Variants in HCRTR2 observed in about 807,000 individuals in gnomAD.
HCRTR2 encodes orexin receptor type 2.
A neutral mutation model predicts 49.0 loss-of-function variants in HCRTR2; 22 were observed. That is an observed-to-expected ratio of 0.45 (90% confidence interval 0.32 to 0.64). The LOEUF (loss-of-function observed/expected upper bound fraction) is 0.64, where lower values mean the gene tolerates loss of function less well. Ranked by LOEUF, HCRTR2 falls within the 30% of genes least tolerant of loss-of-function variation. HCRTR2 has a pLI of 0.04. For synonymous variants in HCRTR2, 236 were observed against 205.3 expected (o/e 1.15, Z -1.28); for missense variants, 491 against 559.4 (o/e 0.88, Z 1.23).
At chr6:55,216,892 C>T (rs977321446) in intron 1 of HCRTR2, among the ~76,000 whole-genome samples, 3 of 152,148 alleles carry the variant, frequency 2.0e-5, no homozygotes, top group African/African-American at 7.2e-5. Context: ...TGCCTGGGTC[C>T]CCATGCTTTT....
chr6:55,255,460 C>T (rs1766634850), intron 3 of HCRTR2, 81 bp downstream of exon 3: 1 of 1,499,624 alleles, frequency 6.7e-7, no homozygotes, highest in Non-Finnish European at 9.3e-7. Flanking sequence ...CATTGTAAAG[C>T]TGGGCTTATA....
rs145195792 is a variant in HCRTR2, at chr6:55,261,957, C to T, written c.647-1750C>T. 9.1e-3 allele frequency among the ~76,000 whole-genome samples: 1,391 copies of T among 152,090 alleles called. 50 individuals carry two copies. In the East Asian group the frequency reaches 0.12, roughly 13 times the overall value. On this transcript the variant is annotated intron_variant, in intron 3 of 6. Transcript: ENST00000370862. ...AATACTACTTAGCCATAAAAAGGAA[C>T]GAAATAATGGCATTCCCAGCAACCT...
intron 1 of HCRTR2, among the ~76,000 whole-genome samples, chr6:55,111,460 T>G (rs1764048244): frequency 6.6e-6 from 1 of 151,816 alleles, no homozygotes; most frequent in East Asian, 1.9e-4. Context: ...AGAAACAAAA[T>G]GGAAGATATT....
chr6:55,284,389 C>T (rs1432416205), downstream of HCRTR2, among the ~76,000 whole-genome samples: 1 of 152,120 alleles, frequency 6.6e-6, no homozygotes, highest in Admixed American at 6.6e-5. Flanking sequence ...GACATGCTAA[C>T]TTCCACCCTA....
At chr6:55,275,306 G>T (rs1266432616) in intron 4 of HCRTR2, among the ~76,000 whole-genome samples, 1 of 152,086 alleles carries the variant, frequency 6.6e-6, no homozygotes, top group Non-Finnish European at 1.5e-5. Flanking sequence ...ATCCTTCTCA[G>T]TGCCTGCTTG....
intron 1 of HCRTR2, among the ~76,000 whole-genome samples, chr6:55,187,884 C>A (rs1382273500): frequency 6.6e-6 from 1 of 152,118 alleles, no homozygotes; most frequent in Non-Finnish European, 1.5e-5. Context: ...TCACACCATT[C>A]TCCAGCCTCA....
At chr6:55,185,463 A>C (rs9475194) in intron 1 of HCRTR2, among the ~76,000 whole-genome samples, 6,672 of 152,286 alleles carry the variant, frequency 0.044, 269 homozygotes, top group African/African-American at 0.11. Flanking sequence ...ATCTTAGAGA[A>C]AAGGGGGAGA....
At chr6:55,171,759 CT>C (rs1422551477), upstream of HCRTR2, among the ~76,000 whole-genome samples, 2 of 152,120 alleles carry the variant, frequency 1.3e-5, no homozygotes, top group African/African-American at 4.8e-5. Flanking sequence ...TTATTTATAA[CT>C]TCAATTTACT....
At chr6:55,255,421 C>A (rs774330562) in intron 3 of HCRTR2, 42 bp downstream of exon 3, 1 of 1,609,856 alleles carries the variant, frequency 6.2e-7, no homozygotes, top group Non-Finnish European at 8.5e-7. Context: ...TATATTACAG[C>A]AGCAAATTGA....
intron 1 of HCRTR2, among the ~76,000 whole-genome samples, chr6:55,233,095 C>CTT (rs144244052): frequency 0.03 from 4,356 of 144,398 alleles, 253 homozygotes; most frequent in Admixed American, 0.15. Flanking sequence ...AATAAAGCTG[C>CTT]TTTTTTTTTT....
chr6:55,248,633 A>G lies in HCRTR2; in HGVS notation c.224-6A>G, dbSNP rs779417794. ...GAGTGCCTATTCCTTTTTCTTTTCA[A>G]ATTAGTTTGTGTGGCAGTGTGGAAG... is the stretch of plus-strand genomic sequence containing the variant. On this transcript the variant is annotated splice_region_variant and splice_polypyrimidine_tract_variant and intron_variant, in intron 1 of 6. Transcript: ENST00000370862. 3.1e-6 allele frequency: 5 copies of G among 1,611,172 alleles called. No homozygotes were observed. The highest frequency in any genetic ancestry group is 3.3e-5 in the Admixed American group (2 of 59,872).
intron 1 of HCRTR2, among the ~76,000 whole-genome samples, chr6:55,216,314 A>G (rs1765785627): frequency 6.6e-6 from 1 of 152,104 alleles, no homozygotes; most frequent in African/African-American, 2.4e-5. Flanking sequence ...ATATGCAAAT[A>G]CCTTCATTCC....
intron 1 of HCRTR2, among the ~76,000 whole-genome samples, chr6:55,169,036 C>T (rs908004433): frequency 2.0e-5 from 3 of 151,634 alleles, no homozygotes; most frequent in Admixed American, 6.6e-5. Context: ...GTTTCATTGA[C>T]GCCACTTTGG....
chr6:55,226,206 T>G (rs1766001191), intron 1 of HCRTR2, among the ~76,000 whole-genome samples: 1 of 152,222 alleles, frequency 6.6e-6, no homozygotes, highest in Admixed American at 6.5e-5. Flanking sequence ...CACTTTCTCT[T>G]TGTCCCTTGG....
chr6:55,152,542 T>C (rs941082498), intron 1 of HCRTR2, among the ~76,000 whole-genome samples: 2 of 152,016 alleles, frequency 1.3e-5, no homozygotes, highest in African/African-American at 4.8e-5. Flanking sequence ...CAAAATACTA[T>C]AGCCTAAGTA....
intron 1 of HCRTR2, among the ~76,000 whole-genome samples, chr6:55,141,100 C>T (rs1199523226): frequency 4.6e-5 from 7 of 151,454 alleles, no homozygotes; most frequent in Non-Finnish European, 7.4e-5. Context: ...TTTGGGAGGC[C>T]GATGTGGGTG....
At chr6:55,264,049 A>G in intron 4 of HCRTR2, 2 of 473,636 alleles carry the variant, frequency 4.2e-6, no homozygotes, top group Non-Finnish European at 7.5e-6. Flanking sequence ...TTTTAGAGTA[A>G]TATTCAGGAA....
rs202030027 is a variant in HCRTR2, at chr6:55,163,938, ACAACCCCAT to A, written c.-377-10269_-377-10261del. Among the ~76,000 whole-genome samples the A allele has an allele frequency of 3.4e-3, 522 of 152,276 alleles. 3 individuals carry two copies. Among genetic ancestry groups the A allele is most frequent in the African/African-American group, 0.011 (454 of 41,566 alleles). ...ACTCCAACAAATTTACAAGAAAAAA[ACAACCCCAT>A]CAAAAAGTGGGTGAAGGATGTGAAC... On this transcript the variant is annotated intron_variant, in intron 1 of 7. Transcript: ENST00000615358.
At position 55,152,690 on chromosome 6, in the gene HCRTR2, C is replaced by T. The variant is rs1764679471; in HGVS notation, c.-377-21521C>T. Among the ~76,000 whole-genome samples the T allele has an allele frequency of 2.6e-5, 4 of 151,738 alleles. No homozygotes were observed. In the South Asian group the frequency reaches 8.3e-4, roughly 31 times the overall value. On this transcript the variant is annotated intron_variant, in intron 1 of 7. Coordinates refer to the HCRTR2 transcript ENST00000615358. ...CTGGTAGAAAGAGGGCAAGAGAGCT[C>T]TCTGAAGTCCCTTCGAAAAGTAAAA...
Sources: allele counts gnomAD v4.1 joint callset (sites outside exome capture counted in the v4.1 genomes callset), GRCh38; gene constraint gnomAD v4.1.1; transcripts MANE v1.5; gene names NCBI Gene and HGNC (gene_info 2026-07-23, HGNC 2026-07-21).